ZNF385B: variants seen among roughly 807,000 people sequenced by gnomAD.
The protein encoded by ZNF385B is zinc finger protein 533.
In ZNF385B, 23 loss-of-function variants were observed where a neutral mutation model predicts 39.2. The ratio of observed to expected loss-of-function variants is 0.59; its 90% CI spans 0.42 to 0.83. The LOEUF (loss-of-function observed/expected upper bound fraction) is 0.83, where lower values mean the gene tolerates loss of function less well. ZNF385B is among the 40% of genes least tolerant of loss of function. ZNF385B has a pLI of 0.00. For synonymous variants in ZNF385B, 205 were observed against 222.6 expected, an observed-to-expected ratio of 0.92 and a Z score of 0.70; for missense variants, 552 against 598.9, an observed-to-expected ratio of 0.92 and a Z score of 0.82.
At chr2:179,768,379 C>G (rs1460957744) in intron 3 of ZNF385B, among the ~76,000 whole-genome samples, 1 of 151,864 alleles carries the variant, frequency 6.6e-6, no homozygotes, top group African/African-American at 2.4e-5. Flanking sequence ...GCTGTAAGCC[C>G]CTTTACTTTC....
At chr2:179,725,143 A>G (rs1419336566) in intron 3 of ZNF385B, among the ~76,000 whole-genome samples, 2 of 152,118 alleles carry the variant, frequency 1.3e-5, no homozygotes, top group Non-Finnish European at 2.9e-5. Flanking sequence ...TCAGATCAGG[A>G]GCCACAGCTA....
intron 8 of ZNF385B, 71 bp downstream of exon 8, chr2:179,445,479 C>T (rs1353949022): frequency 1.4e-6 from 2 of 1,478,598 alleles, no homozygotes; most frequent in African/African-American, 2.8e-5. Context: ...AAAAACCATT[C>T]TATAGATGAG....
At chr2:179,836,683 T>A (rs1290697607) in intron 1 of ZNF385B, among the ~76,000 whole-genome samples, 1 of 151,202 alleles carries the variant, frequency 6.6e-6, no homozygotes, top group African/African-American at 2.4e-5. Context: ...CGTGCCCGGC[T>A]AATTTTTTGT....
intron 1 of ZNF385B, among the ~76,000 whole-genome samples, chr2:179,794,030 G>A (rs931063797): frequency 6.6e-6 from 1 of 152,196 alleles, no homozygotes; most frequent in African/African-American, 2.4e-5. Context: ...GAGTGAGACT[G>A]TTTTCTAGTT....
intron 5 of ZNF385B, among the ~76,000 whole-genome samples, chr2:179,513,526 A>G (rs10210118): frequency 0.82 from 124,176 of 152,218 alleles, 51,018 homozygotes; most frequent in East Asian, 0.92. Flanking sequence ...TTAAGACAAA[A>G]GTGGATGTAC....
Position 179,579,511 on chromosome 2 carries a change from G to T in ZNF385B, c.299-34542C>A, listed in dbSNP as rs189458846. Reference sequence around the variant, plus strand: ...TGCTAATTGTTAATTGCTTTAATCTGTTGCTTGACCAGGCATGAATATATA... The same window carrying T: ...TGCTAATTGTTAATTGCTTTAATCTTTTGCTTGACCAGGCATGAATATATA... On this transcript the variant is annotated intron_variant, in intron 3 of 9. Coordinates refer to ENST00000410066, the MANE Select transcript of ZNF385B (RefSeq NM_152520.6). Among the ~76,000 whole-genome samples the T allele has an allele frequency of 1.8e-3, 278 of 151,856 alleles. 1 individual carries two copies. Among genetic ancestry groups the T allele is most frequent in the Non-Finnish European group, 3.1e-3 (211 of 67,936 alleles).
chr2:179,716,568 T>C (rs1700344129), intron 3 of ZNF385B, among the ~76,000 whole-genome samples: 1 of 152,226 alleles, frequency 6.6e-6, no homozygotes, highest in Non-Finnish European at 1.5e-5. Context: ...ATTCCAAAGA[T>C]ATCTTGTCCC....
At chr2:179,806,897 T>C (rs1706384849) in intron 1 of ZNF385B, among the ~76,000 whole-genome samples, 1 of 152,206 alleles carries the variant, frequency 6.6e-6, no homozygotes, top group Non-Finnish European at 1.5e-5. Flanking sequence ...TTTCACGCCA[T>C]ATACAGAACG....
intron 6 of ZNF385B, among the ~76,000 whole-genome samples, chr2:179,452,051 A>G (rs968364849): frequency 1.3e-5 from 2 of 152,110 alleles, no homozygotes; most frequent in East Asian, 1.9e-4. Flanking sequence ...TGATTACTCA[A>G]ACACATTTAG....
intron 5 of ZNF385B, among the ~76,000 whole-genome samples, chr2:179,489,226 A>G (rs1382233317): frequency 6.6e-6 from 1 of 152,218 alleles, no homozygotes; most frequent in Non-Finnish European, 1.5e-5. Flanking sequence ...TGTATTATAC[A>G]GTGTTTCCTG....
chr2:179,720,196 A>G (rs933773000), intron 3 of ZNF385B, among the ~76,000 whole-genome samples: 1 of 152,170 alleles, frequency 6.6e-6, no homozygotes, highest in African/African-American at 2.4e-5. Flanking sequence ...CCAAAAACAT[A>G]TCAACAATTT....
chr2:179,701,501 CAA>C (rs1165385961), intron 3 of ZNF385B, among the ~76,000 whole-genome samples: 2 of 152,050 alleles, frequency 1.3e-5, no homozygotes, highest in Non-Finnish European at 2.9e-5. Flanking sequence ...GTAAAGAAAG[CAA>C]AAAAGATATT....
At chr2:179,545,176 A>G (rs2060153051) in intron 3 of ZNF385B, among the ~76,000 whole-genome samples, 1 of 152,190 alleles carries the variant, frequency 6.6e-6, no homozygotes, top group South Asian at 2.1e-4. Context: ...ATGCTTCCCT[A>G]TGGGCAAGGG....
chr2:179,460,771 A>T (rs1363559254), intron 6 of ZNF385B, among the ~76,000 whole-genome samples: 1 of 152,102 alleles, frequency 6.6e-6, no homozygotes, highest in Non-Finnish European at 1.5e-5. Flanking sequence ...CCATACCTCT[A>T]CGATTTCATT....
chr2:179,524,551 C>CAAAAAAAAAAA (rs770219234), intron 4 of ZNF385B, among the ~76,000 whole-genome samples: 18 of 60,988 alleles, frequency 3.0e-4, no homozygotes, highest in South Asian at 9.3e-4. Context: ...GACTCCGTCT[C>CAAAAAAAAAAA]AAAAAAAAAA....
intron 3 of ZNF385B, among the ~76,000 whole-genome samples, chr2:179,676,266 T>C (rs1445866107): frequency 6.6e-6 from 1 of 151,968 alleles, no homozygotes; most frequent in Non-Finnish European, 1.5e-5. Flanking sequence ...TTTTTTGTAT[T>C]TTTAGTAGAG....
At chr2:179,690,101 G>C (rs1391747621) in intron 3 of ZNF385B, among the ~76,000 whole-genome samples, 1 of 152,040 alleles carries the variant, frequency 6.6e-6, no homozygotes, top group Non-Finnish European at 1.5e-5. Flanking sequence ...TACTCTATTT[G>C]AATATACCAT....
intron 1 of ZNF385B, among the ~76,000 whole-genome samples, chr2:179,825,888 A>T (rs1003279494): frequency 2.0e-5 from 3 of 152,040 alleles, no homozygotes; most frequent in Non-Finnish European, 4.4e-5. Context: ...CTTCCCGTTT[A>T]CCACTTCAGG....
At chr2:179,666,281 G>A (rs1877945) in intron 3 of ZNF385B, among the ~76,000 whole-genome samples, 24,417 of 152,102 alleles carry the variant, frequency 0.16, 2,000 homozygotes, top group South Asian at 0.19. Flanking sequence ...TAAGAGTTGA[G>A]TTAGCTGAAG....
Sources: allele counts gnomAD v4.1 joint callset (sites outside exome capture counted in the v4.1 genomes callset), GRCh38; gene constraint gnomAD v4.1.1; transcripts MANE v1.5; gene names NCBI Gene and HGNC (gene_info 2026-07-23, HGNC 2026-07-21).